The following EP300 variants were observed in gnomAD, a reference collection of about 807,000 sequenced individuals.
EP300 encodes the protein histone acetyltransferase p300.
EP300 carries 31 observed loss-of-function variants against 264.0 expected under a neutral mutation model. The ratio of observed to expected loss-of-function variants is 0.12; its 90% CI spans 0.09 to 0.16. The LOEUF (loss-of-function observed/expected upper bound fraction) is 0.16, where lower values mean the gene tolerates loss of function less well. Ranked by LOEUF, EP300 falls within the 10% of genes least tolerant of loss-of-function variation. EP300 has a pLI of 1.00. For synonymous variants in EP300, 1,340 were observed against 1,045.4 expected, an observed-to-expected ratio of 1.28 and a Z score of -5.44; for missense variants, 2,766 against 3,052.9, an observed-to-expected ratio of 0.91 and a Z score of 2.21.
chr22:41,145,340 T>C, intron 10 of EP300, among the ~76,000 whole-genome samples: 1 of 152,230 alleles, frequency 6.6e-6, no homozygotes, highest in East Asian at 1.9e-4. Context: ...TATGAATAAA[T>C]GTTGAGCATT....
At chr22:41,134,457 G>A (rs1437072631) in intron 6 of EP300, among the ~76,000 whole-genome samples, 1 of 152,070 alleles carries the variant, frequency 6.6e-6, no homozygotes, top group Non-Finnish European at 1.5e-5. Flanking sequence ...GAGTGCAGTA[G>A]TGCGATCTTG....
chr22:41,178,726 C>G lies in EP300; in HGVS notation c.7015C>G (p.His2339Asp). 1 of 1,614,174 alleles carries G rather than the reference C, an allele frequency of 6.2e-7. No individual in the cohort carries two copies. The highest frequency in any genetic ancestry group is 8.5e-7 in the Non-Finnish European group (1 of 1,180,024). Reference protein sequence around the residue: ...PRMQPQPSPHHVSPQTSSPHP... With the variant: ...PRMQPQPSPHDVSPQTSSPHP... ...GATGCAGCCTCAGCCTTCTCCACACCACGTTTCCCCACAGACAAGTTCCCC... is the reference window on the plus strand; with the variant it reads ...GATGCAGCCTCAGCCTTCTCCACACGACGTTTCCCCACAGACAAGTTCCCC... Residue 2339 changes from histidine (H) to aspartate (D), a missense_variant, in exon 31 of 31, where the codon CAC becomes GAC. Transcript: ENST00000263253.
intron 1 of EP300, among the ~76,000 whole-genome samples, chr22:41,096,113 G>A (rs1950258986): frequency 6.6e-6 from 1 of 151,928 alleles, no homozygotes; most frequent in Non-Finnish European, 1.5e-5. Flanking sequence ...GGTATGGTTA[G>A]GGTAAAACAA....
intron 1 of EP300, among the ~76,000 whole-genome samples, chr22:41,109,457 A>C (rs1057414647): frequency 5.5e-4 from 84 of 152,222 alleles, no homozygotes; most frequent in African/African-American, 1.9e-3. Context: ...GAATGAGAAT[A>C]AACGTGAGGT....
intron 6 of EP300, among the ~76,000 whole-genome samples, chr22:41,134,688 A>G (rs1015838769): frequency 6.6e-6 from 1 of 152,154 alleles, no homozygotes; most frequent in Non-Finnish European, 1.5e-5. Context: ...TTCCATGACA[A>G]CCAGTACTAA....
At chr22:41,152,112 C>T (rs2145740232) in intron 15 of EP300, 94 bp from the exon 16 acceptor site, 1 of 1,584,366 alleles carries the variant, frequency 6.3e-7, no homozygotes, top group Non-Finnish European at 8.7e-7. Flanking sequence ...AATTAGATCT[C>T]ATGGCATAGA....
chr22:41,136,784 G>A (rs751533239), intron 7 of EP300, among the ~76,000 whole-genome samples: 4 of 152,102 alleles, frequency 2.6e-5, no homozygotes, highest in African/African-American at 7.2e-5. Context: ...AGTATGGGCC[G>A]AGCATGGCAG....
In EP300 at chr22:41,177,853, C is replaced by G. The variant is rs766361391; in HGVS notation, c.6142C>G (p.Gln2048Glu). ...CCCACTCAAACCAGGCACTGTGTCT[C>G]AACAAGCCTTACAAAACCTTTTGCG... ...ISPLKPGTVS[Q>E]QALQNLLRTL... is the part of the protein sequence containing the mutation. Residue 2048 changes from glutamine (Q) to glutamate (E), a missense_variant, in exon 31 of 31, where the codon CAA (glutamine) becomes GAA (glutamate). Gln to Glu is a conservative substitution (Grantham distance 29). Coordinates refer to ENST00000263253, the MANE Select transcript of EP300 (RefSeq NM_001429.4). 5 of 1,614,056 alleles carry G rather than the reference C, an allele frequency of 3.1e-6. No homozygotes were observed. The highest frequency in any genetic ancestry group is 4.2e-6 in the Non-Finnish European group (5 of 1,180,030).
chr22:41,124,623 C>T (rs936697022), intron 2 of EP300, among the ~76,000 whole-genome samples: 5 of 151,772 alleles, frequency 3.3e-5, no homozygotes, highest in Non-Finnish European at 5.9e-5. Flanking sequence ...ATGGCAAGAC[C>T]CTGTCTCTAT....
At chr22:41,093,969 T>C (rs989861769) in intron 1 of EP300, among the ~76,000 whole-genome samples, 5 of 152,248 alleles carry the variant, frequency 3.3e-5, no homozygotes, top group Non-Finnish European at 7.3e-5. Context: ...TGTTTGTGTG[T>C]GTCTTTGTCT....
intron 26 of EP300, 97 bp downstream of exon 26, chr22:41,169,713 T>A: frequency 2.7e-6 from 2 of 754,334 alleles, no homozygotes; most frequent in South Asian, 3.0e-5. Flanking sequence ...TTGGCCTTTT[T>A]TTCCTCATTT....
chr22:41,176,566 G>A lies in EP300; in HGVS notation c.5061+38G>A, dbSNP rs372862254. 58 of 1,612,548 alleles carry A rather than the reference G, an allele frequency of 3.6e-5. No individual in the cohort carries two copies. In the African/African-American group the frequency reaches 4.1e-4, roughly 11 times the overall value. On this transcript the variant is annotated intron_variant, in intron 30 of 30. Coordinates refer to ENST00000263253, the MANE Select transcript of EP300 (RefSeq NM_001429.4). ...TTGTGGGAAGGAGGAGGTGAGCTCC[G>A]CAGGGTTGTTCTGAGGGGCCATGCA...
intron 1 of EP300, among the ~76,000 whole-genome samples, chr22:41,116,001 C>A (rs1340200779): frequency 1.3e-5 from 2 of 152,118 alleles, no homozygotes; most frequent in African/African-American, 4.8e-5. Context: ...TGTTTTCTTT[C>A]CATCCTGAGT....
intron 22 of EP300, among the ~76,000 whole-genome samples, chr22:41,165,407 C>T (rs2059128683): frequency 1.3e-5 from 2 of 152,182 alleles, no homozygotes; most frequent in Admixed American, 6.5e-5. Flanking sequence ...CTCTTTTGTA[C>T]ATACAATCAT....
At chr22:41,149,693 A>T in intron 13 of EP300, 68 bp from the exon 14 acceptor site, 1 of 1,491,760 alleles carries the variant, frequency 6.7e-7, no homozygotes. Context: ...TTTATATATC[A>T]TGCCTATGTA....
At chr22:41,113,189 G>T (rs2058803564) in intron 1 of EP300, among the ~76,000 whole-genome samples, 1 of 129,812 alleles carries the variant, frequency 7.7e-6, no homozygotes, top group Non-Finnish European at 1.6e-5. Flanking sequence ...TGGATTTGTT[G>T]GAGAAACTGG....
intron 7 of EP300, among the ~76,000 whole-genome samples, chr22:41,136,939 A>G (rs1286824397): frequency 2.0e-5 from 3 of 152,112 alleles, no homozygotes; most frequent in Admixed American, 6.6e-5. Flanking sequence ...ATCCACCTGT[A>G]ATCCCAGCTA....
chr22:41,168,915 A>T (rs768683924), intron 25 of EP300, 48 bp downstream of exon 25: 1 of 1,612,964 alleles, frequency 6.2e-7, no homozygotes, highest in South Asian at 1.1e-5. Context: ...TGGGAGTTCC[A>T]ACTTATAATA....
At position 41,109,566 on chromosome 22, in the gene EP300, A is replaced by G. The variant is rs187183679; in HGVS notation, c.95-7621A>G. Among the ~76,000 whole-genome samples, 4 of 152,340 alleles carry G rather than the reference A, an allele frequency of 2.6e-5. No individual in the cohort carries two copies. The East Asian group carries it at 5.8e-4, about 22-fold the overall frequency. On this transcript the variant is annotated intron_variant, in intron 1 of 30. Coordinates refer to ENST00000263253, the MANE Select transcript of EP300 (RefSeq NM_001429.4). ...CCTAATAGTGTAATGAGTCCATTGA[A>G]TAACAATAGGTAACATGTTTATAGT...
Sources: gnomAD v4.1 joint callset for allele counts (sites outside exome capture counted in the v4.1 genomes callset) on GRCh38, gnomAD v4.1.1 for gene constraint, MANE v1.5 for transcripts, NCBI Gene and HGNC (gene_info 2026-07-23, HGNC 2026-07-21) for gene names.